The following KHDRBS2 variants were observed in gnomAD, a reference collection of about 807,000 sequenced individuals.
KHDRBS2 encodes KH RNA binding domain containing, signal transduction associated 2.
KHDRBS2 carries 26 observed loss-of-function variants against 44.3 expected under a neutral mutation model. The ratio of observed to expected loss-of-function variants is 0.59; its 90% CI spans 0.43 to 0.81. The LOEUF (loss-of-function observed/expected upper bound fraction) is 0.81, where lower values mean the gene tolerates loss of function less well. Among genes scored for constraint, KHDRBS2 ranks in the 40% least tolerant of loss-of-function variants. The pLI is 0.00. For synonymous variants in KHDRBS2, 194 were observed against 151.1 expected, an observed-to-expected ratio of 1.28 and a Z score of -2.08; for missense variants, 476 against 433.1, an observed-to-expected ratio of 1.10 and a Z score of -0.88.
intron 1 of KHDRBS2, among the ~76,000 whole-genome samples, chr6:62,245,669 A>G (rs903109752): frequency 1.3e-5 from 2 of 152,150 alleles, no homozygotes; most frequent in African/African-American, 4.8e-5. Context: ...GTGTCATACA[A>G]TTTACAGACA....
intron 6 of KHDRBS2, among the ~76,000 whole-genome samples, chr6:61,765,076 A>T (rs928727426): frequency 3.9e-5 from 6 of 152,196 alleles, no homozygotes; most frequent in African/African-American, 1.4e-4. Context: ...AGTTGTCAAC[A>T]GAAGGGTACA....
chr6:61,732,154 T>C (rs565734994), intron 7 of KHDRBS2, among the ~76,000 whole-genome samples: 6 of 152,146 alleles, frequency 3.9e-5, no homozygotes, highest in African/African-American at 1.4e-4. Flanking sequence ...AATCTGACTT[T>C]GAAGACATAA....
chr6:62,164,654 A>G (rs1818309951), intron 2 of KHDRBS2, among the ~76,000 whole-genome samples: 1 of 151,892 alleles, frequency 6.6e-6, no homozygotes, highest in Admixed American at 6.6e-5. Flanking sequence ...TCATGTAACA[A>G]TATGTATTTT....
At chr6:62,218,207 T>C (rs1830337590) in intron 1 of KHDRBS2, among the ~76,000 whole-genome samples, 1 of 151,884 alleles carries the variant, frequency 6.6e-6, no homozygotes, top group Non-Finnish European at 1.5e-5. Flanking sequence ...CAATGGATGG[T>C]AGCCAGGCTG....
chr6:62,241,488 T>C (rs1197761268), intron 1 of KHDRBS2, among the ~76,000 whole-genome samples: 1 of 151,726 alleles, frequency 6.6e-6, no homozygotes, highest in Non-Finnish European at 1.5e-5. Flanking sequence ...GGTGAAAAAA[T>C]ACATTTACAA....
chr6:62,004,173 T>A (rs1224099283), intron 3 of KHDRBS2, among the ~76,000 whole-genome samples: 2 of 151,900 alleles, frequency 1.3e-5, no homozygotes, highest in Admixed American at 1.3e-4. Flanking sequence ...CTGAAGGAAA[T>A]AGAGACACGA....
chr6:61,947,703 C>T (rs1309271966), intron 4 of KHDRBS2, among the ~76,000 whole-genome samples: 3 of 151,874 alleles, frequency 2.0e-5, no homozygotes, highest in African/African-American at 7.3e-5. Flanking sequence ...GAATTTTCAG[C>T]ACACAATGCA....
chr6:61,654,301 G>A, the KHDRBS2 span, among the ~76,000 whole-genome samples: 1 of 151,942 alleles, frequency 6.6e-6, no homozygotes, highest in African/African-American at 2.4e-5. Context: ...AATGTTAGCA[G>A]AAACATAGAA....
intron 3 of KHDRBS2, among the ~76,000 whole-genome samples, chr6:62,000,724 AG>A (rs1277397542): frequency 1.3e-5 from 2 of 152,140 alleles, no homozygotes; most frequent in South Asian, 4.1e-4. Context: ...AGGAAGGTAG[AG>A]CACTTCAGCA....
At chr6:61,653,629 G>C in the KHDRBS2 span, among the ~76,000 whole-genome samples, 1 of 151,892 alleles carries the variant, frequency 6.6e-6, no homozygotes, top group Non-Finnish European at 1.5e-5. Flanking sequence ...GAGAGAGAGA[G>C]AGAGAGAGAG....
intron 7 of KHDRBS2, among the ~76,000 whole-genome samples, chr6:61,727,862 G>T (rs1419020143): frequency 2.6e-5 from 4 of 152,038 alleles, no homozygotes; most frequent in Non-Finnish European, 5.9e-5. Flanking sequence ...GAAGACAGTG[G>T]ATTGATTTCT....
rs571881372 is a variant in KHDRBS2 at position 61,684,972 on chromosome 6, A to T, written c.953-3912T>A. On this transcript the variant is annotated intron_variant, in intron 8 of 8. Coordinates refer to ENST00000281156, the MANE Select transcript of KHDRBS2 (RefSeq NM_152688.4). ...ATTTTTTATTTATTGAAGATCTCCTATATGCCAGTTACTATACTATGTCCT... is the reference window on the plus strand; with the variant it reads ...ATTTTTTATTTATTGAAGATCTCCTTTATGCCAGTTACTATACTATGTCCT... 8.6e-5 allele frequency among the ~76,000 whole-genome samples: 13 copies of T among 151,834 alleles called. No individual in the cohort carries two copies. In the East Asian group the frequency reaches 2.5e-3, roughly 30 times the overall value.
intron 6 of KHDRBS2, among the ~76,000 whole-genome samples, chr6:61,778,433 A>G (rs767000472): frequency 6.6e-6 from 1 of 152,164 alleles, no homozygotes; most frequent in Non-Finnish European, 1.5e-5. Flanking sequence ...CCCAAAAAAC[A>G]TAAAACTGGC....
the KHDRBS2 span, among the ~76,000 whole-genome samples, chr6:61,571,151 C>A: frequency 6.6e-6 from 1 of 152,000 alleles, no homozygotes; most frequent in East Asian, 1.9e-4. Flanking sequence ...ATCCATCAAC[C>A]AAGTACCTGC....
At chr6:62,269,638 A>G (rs577103427) in intron 1 of KHDRBS2, among the ~76,000 whole-genome samples, 5 of 152,230 alleles carry the variant, frequency 3.3e-5, no homozygotes, top group African/African-American at 1.2e-4. Flanking sequence ...CCCTGGTAAG[A>G]CAGTGAGATA....
intron 3 of KHDRBS2, among the ~76,000 whole-genome samples, chr6:61,985,539 T>C (rs1352631039): frequency 1.3e-5 from 2 of 152,066 alleles, no homozygotes; most frequent in Non-Finnish European, 2.9e-5. Flanking sequence ...AGTTTTCAAA[T>C]GTTGTTATAG....
chr6:62,061,241 G>A lies in KHDRBS2; in HGVS notation c.220-13247C>T, dbSNP rs368566461. On this transcript the variant is annotated intron_variant, in intron 2 of 8. Transcript: ENST00000281156. The stretch of plus-strand genomic sequence containing the variant: ...ATGATGTTAGCTGGTGATTTTGCTC[G>A]TTAGTTGATGCAGTTTCTTCCTAGT... 1.7e-3 allele frequency among the ~76,000 whole-genome samples: 253 copies of A among 151,304 alleles called. 7 individuals carry two copies. The South Asian group carries it at 0.05, about 30-fold the overall frequency.
chr6:61,685,269 C>G (rs1204118), intron 8 of KHDRBS2, among the ~76,000 whole-genome samples: 1 of 151,502 alleles, frequency 6.6e-6, no homozygotes, highest in African/African-American at 2.4e-5. Context: ...TAAAGACTTT[C>G]CTGTGTTAAT....
intron 6 of KHDRBS2, among the ~76,000 whole-genome samples, chr6:61,891,677 A>T (rs1261109062): frequency 6.6e-6 from 1 of 152,220 alleles, no homozygotes; most frequent in Non-Finnish European, 1.5e-5. Flanking sequence ...AGTTGCAGAA[A>T]AGGCCTGTGA....
Sources: allele counts gnomAD v4.1 joint callset (sites outside exome capture counted in the v4.1 genomes callset), GRCh38; gene constraint gnomAD v4.1.1; transcripts MANE v1.5; gene names NCBI Gene and HGNC (gene_info 2026-07-23, HGNC 2026-07-21).